DMRTC2: variants seen among roughly 807,000 people sequenced by gnomAD.
DMRTC2 encodes DMRT like family C2, also known as doublesex- and mab-3-related transcription factor C2.
A neutral mutation model predicts 39.9 loss-of-function variants in DMRTC2; 13 were observed. That is an observed-to-expected ratio of 0.33 (90% CI 0.21 to 0.52). The LOEUF (loss-of-function observed/expected upper bound fraction) is 0.52, where lower values mean the gene tolerates loss of function less well. DMRTC2 is among the 20% of genes least tolerant of loss of function. DMRTC2 has a pLI of 0.96. For synonymous variants in DMRTC2, 189 were observed against 185.2 expected (o/e 1.02, Z -0.17); for missense variants, 431 against 472.8 (o/e 0.91, Z 0.82).
intron 3 of DMRTC2, among the ~76,000 whole-genome samples, 183 bp downstream of exon 3, chr19:41,848,064 G>A (rs2073892710): frequency 6.6e-6 from 1 of 152,210 alleles, no homozygotes; most frequent in Non-Finnish European, 1.5e-5. Context: ...AAATGGGCTA[G>A]AGGCCGGGCA....
chr19:41,849,237 C>A lies in DMRTC2; in HGVS notation c.736C>A (p.Pro246Thr). 6.2e-7 allele frequency: 1 copy of A among 1,613,984 alleles called. No individual in the cohort carries two copies. Among genetic ancestry groups the A allele is most frequent in the Non-Finnish European group, 8.5e-7 (1 of 1,179,946 alleles). ...TCCTCTTTCTGGAGAGCCCCAAGGG[C>A]CCCCTAGCCAGCCCCGCACGTGAGT... ...TAPLSGEPQG[P>T]PSQPRTHSTL... The change falls in exon 6 of 9, where the codon CCC becomes ACC. Residue 246 changes from proline to threonine, a missense_variant. By Grantham distance (38) the Pro-to-Thr change is conservative. Transcript: ENST00000269945.
In DMRTC2 at chr19:41,848,984, A is replaced by T. The variant is rs782208407; in HGVS notation, c.628+9A>T. The T allele has an allele frequency of 6.2e-7, 1 of 1,613,842 alleles. No homozygotes were observed. The highest frequency in any genetic ancestry group is 1.3e-5 in the African/African-American group (1 of 74,924). ...TCTGCCTCCCTTCCCTGGTAAGATG[A>T]TAATTCAACATTCATTCAACATATA... On this transcript the variant is annotated intron_variant, in intron 5 of 8. Coordinates refer to ENST00000269945, the MANE Select transcript of DMRTC2 (RefSeq NM_001040283.3).
intron 3 of DMRTC2, 64 bp from the exon 4 acceptor site, chr19:41,848,388 G>C: frequency 7.2e-7 from 1 of 1,387,470 alleles, no homozygotes; most frequent in Non-Finnish European, 9.8e-7. Context: ...AGAACTGTCT[G>C]GGGTTGGGGT....
rs782449343 is a variant in DMRTC2, at chr19:41,847,888, GTC to G, written c.370+11_370+12del. On this transcript the variant is annotated splice_region_variant and intron_variant, in intron 3 of 8. Coordinates refer to ENST00000269945, the MANE Select transcript of DMRTC2 (RefSeq NM_001040283.3). ...ACTCAGCCACAGGTCCCCTGTGAGT[GTC>G]TCTGACCAGCGATGGGGCAGGAGTT... is the stretch of plus-strand genomic sequence containing the variant. 3 of 1,577,356 alleles carry G rather than the reference GTC, an allele frequency of 1.9e-6. No homozygotes were observed. Among genetic ancestry groups the G allele is most frequent in the Non-Finnish European group, 1.7e-6 (2 of 1,160,770 alleles).
At chr19:41,849,106 T>C (rs1555836754) in intron 5 of DMRTC2, 24 bp from the exon 6 acceptor site, 1 of 1,613,882 alleles carries the variant, frequency 6.2e-7, no homozygotes, top group Non-Finnish European at 8.5e-7. Flanking sequence ...CCCTATACAC[T>C]CTGCATTCTT....
chr19:41,844,938 C>T (rs529068652), upstream of DMRTC2: 1 of 152,392 alleles, frequency 6.6e-6, no homozygotes, highest in Admixed American at 6.5e-5. Context: ...GATCTCAAAC[C>T]GCATTGGTCG....
At position 41,847,581 on chromosome 19, in the gene DMRTC2, C is replaced by T. The variant is rs782056763; in HGVS notation, c.153C>T (p.Thr51=). 13 of 1,614,188 alleles carry T rather than the reference C, an allele frequency of 8.1e-6. No individual in the cohort carries two copies. Among genetic ancestry groups the T allele is most frequent in the Middle Eastern group, 3.3e-4 (2 of 6,062 alleles). ...CCCGCTGCCGCAACCATGGTGTCAC[C>T]GCCCATCTCAAGGGCCACAAGCGCC... ...TCARCRNHGV[T]AHLKGHKRLC... Residue 51 remains threonine (T), a synonymous_variant, in exon 2 of 9, where the codon ACC becomes ACT. Transcript: ENST00000269945.
Position 41,851,703 on chromosome 19 carries a change from A to G in DMRTC2, c.*7A>G, listed in dbSNP as rs2123235920. 6.2e-7 allele frequency: 1 copy of G among 1,613,248 alleles called. No homozygotes were observed. The highest frequency in any genetic ancestry group is 8.5e-7 in the Non-Finnish European group (1 of 1,179,194). On this transcript the variant is annotated 3_prime_UTR_variant, in exon 9 of 9. Transcript: ENST00000269945. Reference sequence around the variant, plus strand: ...CATCTCCCTCCTGAGCTAGAAACCCAGAGATGGAGGCTGTCTTGCTATGGC... The same window carrying G: ...CATCTCCCTCCTGAGCTAGAAACCCGGAGATGGAGGCTGTCTTGCTATGGC...
In DMRTC2 at chr19:41,849,125, A is replaced by T. The variant is rs2073916325; in HGVS notation, c.629-5A>T. On this transcript the variant is annotated splice_region_variant and splice_polypyrimidine_tract_variant and intron_variant, in intron 5 of 8. Transcript: ENST00000269945. ...ATACACTCTGCATTCTTTTATTCTT[A>T]TTAGGCTTTGACCCTGGCACCTCCC... The T allele has an allele frequency of 6.2e-7, 1 of 1,614,102 alleles. No individual in the cohort carries two copies. Among genetic ancestry groups the T allele is most frequent in the South Asian group, 1.1e-5 (1 of 91,078 alleles).
intron 6 of DMRTC2, 126 bp downstream of exon 6, chr19:41,849,382 C>G (rs2073921580): frequency 7.3e-7 from 1 of 1,362,818 alleles, no homozygotes; most frequent in Non-Finnish European, 1.0e-6. Context: ...CAAGGCAGAG[C>G]TCTCCTAGTA....
At chr19:41,851,533 A>T in intron 8 of DMRTC2, 51 bp from the exon 9 acceptor site, 7 of 1,507,548 alleles carry the variant, frequency 4.6e-6, no homozygotes, top group Non-Finnish European at 6.4e-6. Context: ...GGGGGTTGCT[A>T]GAAGGAAAAA....
intron 1 of DMRTC2, among the ~76,000 whole-genome samples, chr19:41,846,228 A>C (rs1247404424): frequency 6.6e-6 from 1 of 152,186 alleles, no homozygotes; most frequent in Non-Finnish European, 1.5e-5. Context: ...GGATGAATGC[A>C]TGAGAGTGGG....
intron 1 of DMRTC2, 110 bp from the exon 2 acceptor site, chr19:41,847,315 C>T (rs139100016): frequency 2.5e-5 from 36 of 1,421,386 alleles, no homozygotes; most frequent in Non-Finnish European, 3.0e-5. Flanking sequence ...AGAATCAGGG[C>T]GGGGTCTAAA....
chr19:41,850,392 A>ATC lies in DMRTC2; in HGVS notation c.816+22_816+23dup. 2 of 1,553,934 alleles carry ATC rather than the reference A, an allele frequency of 1.3e-6. No individual in the cohort carries two copies. Among genetic ancestry groups the ATC allele is most frequent in the Non-Finnish European group, 1.7e-6 (2 of 1,151,094 alleles). Reference sequence around the variant, plus strand: ...CCACAGGTCCTGGGAAAGAAGTGGGATCTAGGGCCCTGGGAGGAGGTTGAG... The same window carrying ATC: ...CCACAGGTCCTGGGAAAGAAGTGGGATCTCTAGGGCCCTGGGAGGAGGTTGAG... On this transcript the variant is annotated intron_variant, in intron 7 of 8. Transcript: ENST00000269945.
At chr19:41,849,098 C>G in intron 5 of DMRTC2, 32 bp from the exon 6 acceptor site, 1 of 1,614,062 alleles carries the variant, frequency 6.2e-7, no homozygotes, top group South Asian at 1.1e-5. Flanking sequence ...ACCTTGGCCC[C>G]TATACACTCT....
At chr19:41,848,720 G>A (rs781984620) in intron 4 of DMRTC2, 75 bp from the exon 5 acceptor site, 1 of 1,603,640 alleles carries the variant, frequency 6.2e-7, no homozygotes, top group South Asian at 1.1e-5. Context: ...TTGGGGTTCT[G>A]CCCGTATCCC....
chr19:41,848,377 G>T, intron 3 of DMRTC2, 75 bp from the exon 4 acceptor site: 1 of 1,289,328 alleles, frequency 7.8e-7, no homozygotes, highest in Non-Finnish European at 1.1e-6. Flanking sequence ...TGGGGGAGAT[G>T]AGAACTGTCT....
Position 41,848,885 on chromosome 19 carries a change from C to T in DMRTC2, c.538C>T (p.His180Tyr). 1 of 1,613,374 alleles carries T rather than the reference C, an allele frequency of 6.2e-7. No homozygotes were observed. Among genetic ancestry groups the T allele is most frequent in the Non-Finnish European group, 8.5e-7 (1 of 1,180,026 alleles). Reference protein sequence around the residue: ...PVPPGPWVPGHWLPPGFSMPP... With the variant: ...PVPPGPWVPGYWLPPGFSMPP... ...GCCTCCTGGCCCTTGGGTCCCTGGA[C>T]ACTGGCTGCCTCCAGGCTTCTCCAT... Residue 180 changes from histidine (H) to tyrosine (Y), a missense_variant, in exon 5 of 9, where the codon CAC (histidine) becomes TAC (tyrosine). Coordinates refer to ENST00000269945, the MANE Select transcript of DMRTC2 (RefSeq NM_001040283.3).
chr19:41,848,175 G>A (rs577043219), intron 3 of DMRTC2, among the ~76,000 whole-genome samples: 2 of 152,070 alleles, frequency 1.3e-5, no homozygotes, highest in Admixed American at 6.6e-5. Flanking sequence ...GTGAAACCCC[G>A]TCTCTACTAA....
Sources: gnomAD v4.1 joint callset for allele counts (sites outside exome capture counted in the v4.1 genomes callset) on GRCh38, gnomAD v4.1.1 for gene constraint, MANE v1.5 for transcripts, NCBI Gene and HGNC (gene_info 2026-07-23, HGNC 2026-07-21) for gene names.